PKD1L3: variants seen among roughly 807,000 people sequenced by gnomAD.
PKD1L3 encodes the protein polycystin-1-like protein 3.
A neutral mutation model predicts 184.1 loss-of-function variants in PKD1L3; 239 were observed. The ratio of observed to expected loss-of-function variants is 1.30; its 90% CI spans 1.17 to 1.45. The LOEUF (loss-of-function observed/expected upper bound fraction) is 1.45, where lower values mean the gene tolerates loss of function less well. Among genes scored for constraint, PKD1L3 ranks in the 40% most tolerant of loss-of-function variants. The pLI, the probability that PKD1L3 is intolerant of heterozygous loss-of-function variation, is 0.00. For synonymous variants in PKD1L3, 996 were observed against 778.8 expected (o/e 1.28, Z -4.64); for missense variants, 2,660 against 2,067.2 (o/e 1.29, Z -5.56).
chr16:71,989,944 G>C (rs769667666), intron 4 of PKD1L3, among the ~76,000 whole-genome samples: 9 of 151,834 alleles, frequency 5.9e-5, no homozygotes, highest in African/African-American at 2.2e-4. Context: ...GTGTGGTGGC[G>C]CAGGCCTGTA....
chr16:71,978,522 C>T lies in PKD1L3; in HGVS notation c.1399-139G>A, dbSNP rs62053847. Reference sequence around the variant, plus strand: ...ATATATATATATATATATATATATACATACATACATACATACATACTTTTT... The same window carrying T: ...ATATATATATATATATATATATATATATACATACATACATACATACTTTTT... On this transcript the variant is annotated intron_variant, in intron 9 of 29. Coordinates refer to ENST00000620267, the MANE Select transcript of PKD1L3 (RefSeq NM_181536.2). The T allele has an allele frequency of 1.0e-3, 119 of 114,038 alleles. 1 individual carries two copies. The highest frequency in any genetic ancestry group is 3.3e-3 in the African/African-American group (108 of 32,750). 7.1% of individuals were successfully genotyped at this position (114,038 alleles called of 1,614,324 possible). A position where few individuals can be genotyped will look rare whatever the true frequency, so the allele number is the denominator to read the frequency against.
chr16:71,959,774 A>G (rs2039198709), intron 16 of PKD1L3, among the ~76,000 whole-genome samples: 1 of 152,144 alleles, frequency 6.6e-6, no homozygotes. Context: ...AAACAAGAGG[A>G]GAAAGAGGAA....
rs184660949 is a variant in PKD1L3, at chr16:71,998,642, G to A, written c.296-248C>T. On this transcript the variant is annotated intron_variant, in intron 1 of 29. Transcript: ENST00000620267. The stretch of plus-strand genomic sequence containing the variant: ...ATTTTTGTATTTTTAGTAGAGATGG[G>A]GTTTCACCATGTTGGCCAGGCTGGT... Among the ~76,000 whole-genome samples the A allele has an allele frequency of 3.4e-3, 515 of 152,102 alleles. 1 individual carries two copies. Among genetic ancestry groups the A allele is most frequent in the South Asian group, 6.2e-3 (30 of 4,820 alleles).
rs1296590982 is a variant in PKD1L3, at chr16:71,933,965, C to T, written c.4774G>A (p.Val1592Met). Residue 1592 changes from valine (V) to methionine (M), a missense_variant, in exon 27 of 30, where the codon GTG becomes ATG. Physicochemically the swap from Val to Met is conservative, Grantham distance 21. Transcript: ENST00000620267. The stretch of plus-strand genomic sequence containing the variant: ...ATTAGGATGATCAGCAGAAAGCCCA[C>T]CACCTCGTCCCAGGCTCGGCTCAGT... Reference protein sequence around the residue: ...RTLSRAWDEVVGFLLIILILL... With the variant: ...RTLSRAWDEVMGFLLIILILL... 3 of 1,551,614 alleles carry T rather than the reference C, an allele frequency of 1.9e-6. No homozygotes were observed. Among genetic ancestry groups the T allele is most frequent in the Middle Eastern group, 1.7e-4 (1 of 5,990 alleles).
At chr16:71,940,005 G>A (rs184157519) in intron 24 of PKD1L3, among the ~76,000 whole-genome samples, 3 of 152,262 alleles carry the variant, frequency 2.0e-5, no homozygotes, top group East Asian at 1.9e-4. Flanking sequence ...CAGGAAACCC[G>A]GAAGCAAGCT....
chr16:71,967,186 G>T lies in PKD1L3; in HGVS notation c.2416C>A (p.Leu806Met), dbSNP rs1171960641. The change falls in exon 15 of 30, where the codon CTG (leucine) becomes ATG (methionine). Residue 806 changes from leucine to methionine, a missense_variant. Leu to Met is a conservative substitution (Grantham distance 15). Coordinates refer to ENST00000620267, the MANE Select transcript of PKD1L3 (RefSeq NM_181536.2). ...LLTTWTSLGN[L>M]HSLRLWHDNS... ...TCATGCCAGAGCCGAAGGCTGTGCAGGTTCCCTAGAGAGGTCCAAGTGGTG... is the reference window on the plus strand; with the variant it reads ...TCATGCCAGAGCCGAAGGCTGTGCATGTTCCCTAGAGAGGTCCAAGTGGTG... 1 of 1,551,744 alleles carries T rather than the reference G, an allele frequency of 6.4e-7. No homozygotes were observed.
intron 22 of PKD1L3, among the ~76,000 whole-genome samples, chr16:71,944,697 T>G (rs892752610): frequency 7.1e-5 from 5 of 70,308 alleles, no homozygotes; most frequent in Admixed American, 1.8e-4. Flanking sequence ...CATATCTGTT[T>G]TTTGTTTGTT....
chr16:71,958,867 G>C (rs1251523270), intron 16 of PKD1L3, among the ~76,000 whole-genome samples: 1 of 144,686 alleles, frequency 6.9e-6, no homozygotes, highest in Non-Finnish European at 1.5e-5. Context: ...CAGGTGGACT[G>C]CTTGAGCGCA....
chr16:71,978,467 A>ATT, intron 9 of PKD1L3, 84 bp from the exon 10 acceptor site: 6 of 669,112 alleles, frequency 9.0e-6, no homozygotes, highest in East Asian at 3.8e-5. Context: ...ATATATACAT[A>ATT]TGTATATATG....
chr16:71,981,395 G>T, intron 7 of PKD1L3, among the ~76,000 whole-genome samples: 1 of 152,104 alleles, frequency 6.6e-6, no homozygotes, highest in East Asian at 1.9e-4. Flanking sequence ...GTTATTTTCT[G>T]TCTTTTTGGG....
intron 16 of PKD1L3, among the ~76,000 whole-genome samples, chr16:71,962,192 G>A (rs1255075161): frequency 6.6e-6 from 1 of 152,116 alleles, no homozygotes; most frequent in African/African-American, 2.4e-5. Context: ...CCAAAGTGCT[G>A]GGATTACAGG....
chr16:71,954,985 G>A (rs763187682), intron 16 of PKD1L3, among the ~76,000 whole-genome samples: 2 of 152,052 alleles, frequency 1.3e-5, no homozygotes, highest in Non-Finnish European at 2.9e-5. Flanking sequence ...GCTCATGAAA[G>A]GATACTTGAG....
chr16:71,964,873 A>G (rs12919803), intron 15 of PKD1L3, among the ~76,000 whole-genome samples: 106,464 of 147,774 alleles, frequency 0.72, 38,595 homozygotes, highest in South Asian at 0.81. Context: ...TTGAGGCAGG[A>G]TCTTGCTCTG....
At chr16:71,997,823 T>C (rs2040846919) in intron 2 of PKD1L3, among the ~76,000 whole-genome samples, 1 of 151,220 alleles carries the variant, frequency 6.6e-6, no homozygotes, top group South Asian at 2.1e-4. Context: ...CATACGTACA[T>C]ACATACATAG....
intron 21 of PKD1L3, among the ~76,000 whole-genome samples, chr16:71,948,793 TTACA>T (rs1282357897): frequency 1.0e-5 from 1 of 97,534 alleles, no homozygotes; most frequent in Admixed American, 1.4e-4. Flanking sequence ...ATATCTTAAC[TTACA>T]TATAGTAAAA....
chr16:71,971,589 G>T (rs1220508604), intron 12 of PKD1L3, among the ~76,000 whole-genome samples: 1 of 152,182 alleles, frequency 6.6e-6, no homozygotes, highest in African/African-American at 2.4e-5. Flanking sequence ...ACTGGTCTGT[G>T]CTGTGAGAGG....
At chr16:71,988,144 G>C (rs1179389984) in intron 4 of PKD1L3, among the ~76,000 whole-genome samples, 1 of 152,126 alleles carries the variant, frequency 6.6e-6, no homozygotes, top group African/African-American at 2.4e-5. Context: ...TCAGAAAAGG[G>C]GGCAACAGTA....
intron 27 of PKD1L3, 30 bp downstream of exon 27, chr16:71,933,882 CGGA>C: frequency 6.5e-7 from 1 of 1,541,306 alleles, no homozygotes; most frequent in Non-Finnish European, 8.8e-7. Flanking sequence ...CCACAGCACA[CGGA>C]GAAGGAGAGA....
At chr16:71,947,895 A>T (rs2038680307) in intron 21 of PKD1L3, among the ~76,000 whole-genome samples, 1 of 150,364 alleles carries the variant, frequency 6.7e-6, no homozygotes, top group Admixed American at 6.8e-5. Context: ...GTATCTTTGG[A>T]AAACCTCTGA....
Sources: allele counts gnomAD v4.1 joint callset (sites outside exome capture counted in the v4.1 genomes callset), GRCh38; gene constraint gnomAD v4.1.1; transcripts MANE v1.5; gene names NCBI Gene and HGNC (gene_info 2026-07-23, HGNC 2026-07-21).